SV2C: variants seen among roughly 807,000 people sequenced by gnomAD.
SV2C encodes solute carrier family 22 member B3.
SV2C carries 49 observed loss-of-function variants against 79.7 expected under a neutral mutation model. The observed-to-expected ratio is 0.61, with a 90% CI of 0.49 to 0.78. The LOEUF (loss-of-function observed/expected upper bound fraction) is 0.78. SV2C is among the 30% of genes least tolerant of loss of function. SV2C has a pLI of 0.00. For missense variants in SV2C, 833 were observed against 912.9 expected (o/e 0.91, Z 1.13); for synonymous variants, 334 against 333.2 (o/e 1.00, Z -0.03).
chr5:76,031,401 G>C, the SV2C span, among the ~76,000 whole-genome samples: 1 of 151,758 alleles, frequency 6.6e-6, no homozygotes, highest in African/African-American at 2.4e-5. Context: ...GGCAATGCTG[G>C]CTGTCGCTGG....
the SV2C span, among the ~76,000 whole-genome samples, chr5:75,893,812 T>C: frequency 1.3e-5 from 2 of 151,974 alleles, no homozygotes; most frequent in African/African-American, 4.8e-5. Context: ...CCCTGCCATA[T>C]GAAAGCAGTG....
chr5:75,875,611 T>A, the SV2C span, among the ~76,000 whole-genome samples: 1 of 152,078 alleles, frequency 6.6e-6, no homozygotes, highest in Non-Finnish European at 1.5e-5. Flanking sequence ...AGCTTCTGCA[T>A]AGCAAAAGAA....
At chr5:75,893,503 C>T in the SV2C span, among the ~76,000 whole-genome samples, 2 of 152,010 alleles carry the variant, frequency 1.3e-5, no homozygotes, top group African/African-American at 4.8e-5. Flanking sequence ...GAACAGAAGA[C>T]TAACTACTGC....
chr5:76,146,141 A>G (rs1164073237), intron 2 of SV2C, among the ~76,000 whole-genome samples: 1 of 152,206 alleles, frequency 6.6e-6, no homozygotes, highest in African/African-American at 2.4e-5. Flanking sequence ...AGGGGGCATC[A>G]GCATCTCCTG....
intron 1 of SV2C, among the ~76,000 whole-genome samples, chr5:76,084,887 G>C (rs1433249185): frequency 6.6e-6 from 1 of 151,922 alleles, no homozygotes; most frequent in African/African-American, 2.4e-5. Context: ...CTGGGCTGGC[G>C]GGCAGGCGGC....
At chr5:76,095,571 TTA>T (rs1008182348) in intron 1 of SV2C, among the ~76,000 whole-genome samples, 23 of 152,178 alleles carry the variant, frequency 1.5e-4, no homozygotes, top group African/African-American at 5.5e-4. Context: ...AGTCAAGTTT[TTA>T]TATAGAGTCT....
chr5:76,241,548 T>C (rs1745785928), intron 4 of SV2C, among the ~76,000 whole-genome samples: 1 of 152,144 alleles, frequency 6.6e-6, no homozygotes, highest in Admixed American at 6.5e-5. Context: ...ACAGGTGCCA[T>C]CTCAGTGGCA....
In SV2C at chr5:76,321,815, T is replaced by A. The variant is rs528176989; in HGVS notation, c.2001-3549T>A. On this transcript the variant is annotated intron_variant, in intron 12 of 12. Transcript: ENST00000502798. Reference sequence around the variant, plus strand: ...TGTTCATGTGTACTAAAGATAATAATTTTTTTCTTTTTTAAAAAATGTCTT... The same window carrying A: ...TGTTCATGTGTACTAAAGATAATAAATTTTTTCTTTTTTAAAAAATGTCTT... Among the ~76,000 whole-genome samples, 29 of 152,192 alleles carry A rather than the reference T, an allele frequency of 1.9e-4. No homozygotes were observed. In the South Asian group the frequency reaches 5.2e-3, roughly 27 times the overall value.
At chr5:76,194,808 A>G (rs1744219987) in intron 2 of SV2C, 111 bp from the exon 3 acceptor site, 1 of 1,313,846 alleles carries the variant, frequency 7.6e-7, no homozygotes, top group Non-Finnish European at 1.0e-6. Flanking sequence ...TTTAAAGGAA[A>G]TTTTCCTCAT....
intron 4 of SV2C, among the ~76,000 whole-genome samples, chr5:76,234,764 C>T (rs60546431): frequency 0.12 from 17,912 of 152,156 alleles, 3,070 homozygotes; most frequent in African/African-American, 0.38. Flanking sequence ...CAGTGAAAAA[C>T]TGAAGCTTCC....
chr5:75,890,904 AT>A, the SV2C span, among the ~76,000 whole-genome samples: 2 of 151,906 alleles, frequency 1.3e-5, no homozygotes, highest in Non-Finnish European at 2.9e-5. Flanking sequence ...TTCCCCTACC[AT>A]TTGTTTCTGG....
At chr5:76,245,928 G>GTATGTGTATGTGTA (rs1745931621) in intron 4 of SV2C, among the ~76,000 whole-genome samples, 3 of 140,254 alleles carry the variant, frequency 2.1e-5, no homozygotes, top group Admixed American at 2.1e-4. Flanking sequence ...GTGTGTGTGT[G>GTATGTGTATGTGTA]TGTGTGTATG....
At chr5:75,970,503 T>A in the SV2C span, among the ~76,000 whole-genome samples, 1 of 151,836 alleles carries the variant, frequency 6.6e-6, no homozygotes, top group East Asian at 1.9e-4. Context: ...TCACCACCGA[T>A]CCCACAGAAA....
the SV2C span, chr5:75,911,551 A>T: frequency 1.5e-6 from 1 of 665,820 alleles, no homozygotes; most frequent in Non-Finnish European, 2.7e-6. Flanking sequence ...TCCAAGTCCT[A>T]GTACCTCCCT....
the SV2C span, among the ~76,000 whole-genome samples, chr5:76,041,977 G>A: frequency 0.013 from 2,047 of 152,174 alleles, 45 homozygotes; most frequent in African/African-American, 0.046. Context: ...CTCACCCACA[G>A]CAGCTCCTCT....
chr5:76,322,785 G>A (rs921888999), intron 12 of SV2C, among the ~76,000 whole-genome samples: 2 of 152,230 alleles, frequency 1.3e-5, no homozygotes, highest in Admixed American at 6.5e-5. Flanking sequence ...AAGAGATGGG[G>A]AAAAGATCTC....
the SV2C span, among the ~76,000 whole-genome samples, chr5:75,894,636 G>A: frequency 2.0e-5 from 3 of 152,052 alleles, no homozygotes; most frequent in Non-Finnish European, 2.9e-5. Flanking sequence ...TGCTTTCTCC[G>A]GGAGGATTTG....
chr5:76,143,277 G>A (rs1749317478), intron 2 of SV2C, among the ~76,000 whole-genome samples: 1 of 152,060 alleles, frequency 6.6e-6, no homozygotes, highest in South Asian at 2.1e-4. Flanking sequence ...AAACATTAGT[G>A]GTCAGATGAT....
chr5:75,848,579 C>G, the SV2C span, among the ~76,000 whole-genome samples: 1 of 152,228 alleles, frequency 6.6e-6, no homozygotes, highest in African/African-American at 2.4e-5. Flanking sequence ...AAGTTGTCTG[C>G]CATTAGAAAA....
Sources: gnomAD v4.1 joint callset for allele counts (sites outside exome capture counted in the v4.1 genomes callset) on GRCh38, gnomAD v4.1.1 for gene constraint, MANE v1.5 for transcripts, NCBI Gene and HGNC (gene_info 2026-07-23, HGNC 2026-07-21) for gene names.